ASIC2: variants seen among roughly 807,000 people sequenced by gnomAD.
ASIC2 encodes acid sensing ion channel subunit 2.
ASIC2 carries 25 observed loss-of-function variants against 57.3 expected under a neutral mutation model. The ratio of observed to expected loss-of-function variants is 0.44; its 90% CI spans 0.32 to 0.61. The LOEUF (loss-of-function observed/expected upper bound fraction) is 0.61, where lower values mean the gene tolerates loss of function less well. Among genes scored for constraint, ASIC2 ranks in the 20% least tolerant of loss-of-function variants. ASIC2 has a pLI of 0.06. For missense variants in ASIC2, 641 were observed against 738.1 expected, an observed-to-expected ratio of 0.87 and a Z score of 1.52; for synonymous variants, 319 against 307.5, an observed-to-expected ratio of 1.04 and a Z score of -0.39.
At chr17:34,124,631 C>T (rs1022008014) in intron 1 of ASIC2, among the ~76,000 whole-genome samples, 4 of 152,178 alleles carry the variant, frequency 2.6e-5, no homozygotes, top group Non-Finnish European at 5.9e-5. Context: ...AACAAAAACA[C>T]ATTTATTTCT....
chr17:33,292,245 C>G lies in ASIC2; in HGVS notation c.-130G>C, dbSNP rs1388806542. The G allele has an allele frequency of 4.0e-6, 4 of 996,220 alleles. No individual in the cohort carries two copies. The highest frequency in any genetic ancestry group is 1.8e-5 in the African/African-American group (1 of 57,124). 61.7% of individuals were successfully genotyped at this position (996,220 alleles called of 1,614,324 possible). ...AGCCCGCGCCAGGGAAGCGTGCGCC[C>G]GAAAGGAGCTCCGGTGGCGCGGCAT... On this transcript the variant is annotated 5_prime_UTR_variant, in exon 1 of 10. Coordinates refer to ENST00000225823, the MANE Select transcript of ASIC2 (RefSeq NM_183377.2).
intron 1 of ASIC2, among the ~76,000 whole-genome samples, chr17:33,781,423 G>A (rs1046323551): frequency 2.0e-5 from 3 of 152,148 alleles, no homozygotes; most frequent in African/African-American, 7.2e-5. Flanking sequence ...GAGATGCTGG[G>A]GACAGCGCAG....
chr17:33,799,396 TTC>T (rs1491538147), intron 1 of ASIC2, among the ~76,000 whole-genome samples: 1 of 57,904 alleles, frequency 1.7e-5, no homozygotes, highest in Non-Finnish European at 4.2e-5. Flanking sequence ...CTTTCTTTCT[TTC>T]TTTCTTTTCT....
intron 1 of ASIC2, among the ~76,000 whole-genome samples, chr17:33,436,853 C>CTTTTT (rs71144877): frequency 0.012 from 819 of 66,500 alleles, 59 homozygotes; most frequent in African/African-American, 0.025. Flanking sequence ...ATTCCAACTT[C>CTTTTT]TTTTTTTTTT....
rs531644209 is a variant in ASIC2, at chr17:33,759,189, G to A, written c.555+396789C>T. 9.8e-5 allele frequency among the ~76,000 whole-genome samples: 15 copies of A among 152,300 alleles called. No individual in the cohort carries two copies. The East Asian group carries it at 2.9e-3, about 29-fold the overall frequency. On this transcript the variant is annotated intron_variant, in intron 1 of 9. Transcript: ENST00000359872. ...ACATGGAGGTGGTGAACAAGGTATTGGAAACTGGAGTAAAGGCCATCCTTG... is the reference window on the plus strand; with the variant it reads ...ACATGGAGGTGGTGAACAAGGTATTAGAAACTGGAGTAAAGGCCATCCTTG...
intron 1 of ASIC2, among the ~76,000 whole-genome samples, chr17:33,306,369 C>A (rs952534446): frequency 2.0e-5 from 3 of 152,130 alleles, no homozygotes; most frequent in African/African-American, 7.2e-5. Context: ...TTTTCCATTT[C>A]ACATACCCAC....
intron 1 of ASIC2, among the ~76,000 whole-genome samples, chr17:34,024,170 C>T (rs532617558): frequency 6.6e-6 from 1 of 152,330 alleles, no homozygotes; most frequent in African/African-American, 2.4e-5. Context: ...CAAGTATAGA[C>T]ATCCAGCCAG....
At chr17:33,609,944 C>T (rs886266456) in intron 1 of ASIC2, among the ~76,000 whole-genome samples, 2 of 151,886 alleles carry the variant, frequency 1.3e-5, no homozygotes, top group Non-Finnish European at 2.9e-5. Flanking sequence ...ACAGGCTTCC[C>T]CCTCCTCCCG....
At chr17:33,772,752 A>G (rs1199442034) in intron 1 of ASIC2, among the ~76,000 whole-genome samples, 1 of 152,108 alleles carries the variant, frequency 6.6e-6, no homozygotes, top group East Asian at 1.9e-4. Flanking sequence ...CAATCCTAAA[A>G]CCTGTCTCTT....
At chr17:34,037,800 C>T (rs1353844076) in intron 1 of ASIC2, 9 of 1,614,098 alleles carry the variant, frequency 5.6e-6, no homozygotes, top group African/African-American at 1.3e-5. Context: ...AACGCCTTTG[C>T]TTCAGGTGTT....
chr17:33,744,079 CTT>C (rs1398674680), intron 1 of ASIC2, among the ~76,000 whole-genome samples: 1 of 152,160 alleles, frequency 6.6e-6, no homozygotes, highest in African/African-American at 2.4e-5. Flanking sequence ...AAGGAACTGA[CTT>C]TGTTTGAAAC....
At position 33,525,408 on chromosome 17, in the gene ASIC2, C is replaced by A. The variant is rs145909211; in HGVS notation, c.556-413341G>T. Among the ~76,000 whole-genome samples the A allele has an allele frequency of 4.9e-3, 749 of 152,338 alleles. 8 individuals carry two copies. Among genetic ancestry groups the A allele is most frequent in the Non-Finnish European group, 7.7e-3 (524 of 68,022 alleles). On this transcript the variant is annotated intron_variant, in intron 1 of 9. Coordinates refer to the ASIC2 transcript ENST00000359872. ...CTTGGAAATATCTACAGCTTCTCTG[C>A]CTCCTGGCCAGATGAGTGAGCTTTG...
chr17:34,086,526 G>A (rs914474277), intron 1 of ASIC2, among the ~76,000 whole-genome samples: 10 of 152,148 alleles, frequency 6.6e-5, no homozygotes, highest in Non-Finnish European at 1.5e-4. Flanking sequence ...TTGATTTGGG[G>A]TGGAGAGTTC....
chr17:33,537,734 A>T (rs1915278584), intron 1 of ASIC2, among the ~76,000 whole-genome samples: 1 of 152,218 alleles, frequency 6.6e-6, no homozygotes, highest in Non-Finnish European at 1.5e-5. Context: ...TCCAAGGACC[A>T]CAGGGCAAAG....
intron 1 of ASIC2, among the ~76,000 whole-genome samples, chr17:33,239,574 A>T (rs1385017934): frequency 1.3e-5 from 2 of 152,232 alleles, no homozygotes; most frequent in African/African-American, 2.4e-5. Flanking sequence ...TAAGAGTTCA[A>T]TAACTGTTTG....
chr17:33,788,094 C>T (rs1229472496), intron 1 of ASIC2, among the ~76,000 whole-genome samples: 1 of 151,982 alleles, frequency 6.6e-6, no homozygotes, highest in African/African-American at 2.4e-5. Flanking sequence ...TTCTGCACAG[C>T]AAAAGAAACT....
intron 1 of ASIC2, chr17:33,533,413 A>G (rs569952192): frequency 6.6e-6 from 1 of 152,350 alleles, no homozygotes; most frequent in Admixed American, 6.5e-5. Flanking sequence ...TTATGTAGCC[A>G]TAATCAAGTA....
chr17:33,618,040 T>TAG (rs1905662238), intron 1 of ASIC2, among the ~76,000 whole-genome samples: 1 of 152,148 alleles, frequency 6.6e-6, no homozygotes, highest in Non-Finnish European at 1.5e-5. Flanking sequence ...GAGAGTCTAG[T>TAG]AGACTCCTTC....
At chr17:33,332,984 T>G (rs915622095) in intron 1 of ASIC2, among the ~76,000 whole-genome samples, 3 of 152,222 alleles carry the variant, frequency 2.0e-5, no homozygotes, top group African/African-American at 7.2e-5. Context: ...TGAATTTTTC[T>G]GGCCTTCCAG....
Sources: allele counts gnomAD v4.1 joint callset (sites outside exome capture counted in the v4.1 genomes callset), GRCh38; gene constraint gnomAD v4.1.1; transcripts MANE v1.5; gene names NCBI Gene and HGNC (gene_info 2026-07-23, HGNC 2026-07-21).